SLC24A3: variants seen among roughly 807,000 people sequenced by gnomAD.
The protein encoded by SLC24A3 is solute carrier family 24 member 3, also known as sodium/potassium/calcium exchanger 3.
SLC24A3 carries 28 observed loss-of-function variants against 75.8 expected under a neutral mutation model. The ratio of observed to expected loss-of-function variants is 0.37; its 90% CI spans 0.27 to 0.51. The LOEUF is 0.51. Among genes scored for constraint, SLC24A3 ranks in the 20% least tolerant of loss-of-function variants. The probability of loss-of-function intolerance (pLI) is 0.94; values close to 1 mark genes in which losing one functional copy is unlikely to be tolerated. For missense variants in SLC24A3, 663 were observed against 847.8 expected (o/e 0.78, Z 2.71); for synonymous variants, 372 against 334.1 (o/e 1.11, Z -1.24).
At chr20:19,442,067 T>C (rs1987307576) in intron 2 of SLC24A3, among the ~76,000 whole-genome samples, 1 of 152,220 alleles carries the variant, frequency 6.6e-6, no homozygotes, top group Admixed American at 6.5e-5. Flanking sequence ...TAATATTCCA[T>C]TGTCTGAATG....
chr20:19,248,553 T>G (rs1207535909), intron 1 of SLC24A3, among the ~76,000 whole-genome samples: 3 of 152,184 alleles, frequency 2.0e-5, no homozygotes, highest in South Asian at 4.1e-4. Context: ...TTGGCGGAAA[T>G]GTAAATGAAT....
intron 2 of SLC24A3, among the ~76,000 whole-genome samples, chr20:19,316,104 T>G (rs953050923): frequency 1.3e-5 from 2 of 152,236 alleles, no homozygotes; most frequent in African/African-American, 2.4e-5. Context: ...CAAAGCCTAT[T>G]GAACCACATA....
Position 19,647,929 on chromosome 20 carries a change from T to C in SLC24A3, c.613-6133T>C, listed in dbSNP as rs6112498. Among the ~76,000 whole-genome samples, 1,423 of 152,328 alleles carry C rather than the reference T, an allele frequency of 9.3e-3. 23 individuals are homozygous for C. Among genetic ancestry groups the C allele is most frequent in the African/African-American group, 0.033 (1,357 of 41,560 alleles). ...AATGAGTTTTCTTTAAAAAATTAGA[T>C]TTAAAATGTGAATTTATTTTGTGTT... On this transcript the variant is annotated intron_variant, in intron 6 of 16. Coordinates refer to ENST00000328041, the MANE Select transcript of SLC24A3 (RefSeq NM_020689.4).
chr20:19,246,671 C>T (rs752180995), intron 1 of SLC24A3, among the ~76,000 whole-genome samples: 1 of 152,136 alleles, frequency 6.6e-6, no homozygotes, highest in African/African-American at 2.4e-5. Context: ...TAATTTATCT[C>T]ATGAACAGAT....
intron 2 of SLC24A3, among the ~76,000 whole-genome samples, chr20:19,329,062 T>C (rs1339879927): frequency 1.3e-5 from 2 of 152,064 alleles, no homozygotes; most frequent in Admixed American, 6.5e-5. Flanking sequence ...ATTAGTGACA[T>C]GGACAGGAAG....
At chr20:19,299,198 A>ATGTGTG (rs57048749) in intron 2 of SLC24A3, among the ~76,000 whole-genome samples, 49,451 of 144,788 alleles carry the variant, frequency 0.34, 8,369 homozygotes, top group Middle Eastern at 0.43. Context: ...GTGTGTGTGT[A>ATGTGTG]TGTGTGTGTG....
At chr20:19,473,095 C>G (rs1365553910) in intron 2 of SLC24A3, among the ~76,000 whole-genome samples, 3 of 152,188 alleles carry the variant, frequency 2.0e-5, no homozygotes, top group Non-Finnish European at 2.9e-5. Flanking sequence ...TCTGGCCTCT[C>G]CCCTCCTTCC....
chr20:19,471,167 G>GC (rs1327393253), intron 2 of SLC24A3, among the ~76,000 whole-genome samples: 1 of 152,224 alleles, frequency 6.6e-6, no homozygotes, highest in East Asian at 1.9e-4. Context: ...TAAGAGGGGA[G>GC]CCCCCGTGCT....
intron 2 of SLC24A3, among the ~76,000 whole-genome samples, chr20:19,449,727 G>A (rs1483143473): frequency 6.6e-6 from 1 of 152,076 alleles, no homozygotes; most frequent in Non-Finnish European, 1.5e-5. Context: ...GGAGCTTTAG[G>A]GGAAGAGGAG....
chr20:19,426,860 G>A (rs2122445689), intron 2 of SLC24A3, among the ~76,000 whole-genome samples: 1 of 152,302 alleles, frequency 6.6e-6, no homozygotes, highest in South Asian at 2.1e-4. Flanking sequence ...ACTGGGGAGT[G>A]AGAGGAGGGG....
chr20:19,713,080 TG>T (rs1243605275), intron 15 of SLC24A3, among the ~76,000 whole-genome samples: 4 of 152,204 alleles, frequency 2.6e-5, no homozygotes, highest in Non-Finnish European at 5.9e-5. Context: ...GGTACAATTT[TG>T]TGGTGGGAAT....
At chr20:19,247,138 G>A (rs1236945052) in intron 1 of SLC24A3, among the ~76,000 whole-genome samples, 2 of 152,150 alleles carry the variant, frequency 1.3e-5, no homozygotes, top group African/African-American at 4.8e-5. Context: ...AACAAAATCA[G>A]TTCCATATGT....
chr20:19,325,795 T>TATATATATAG (rs1251419875), intron 2 of SLC24A3, among the ~76,000 whole-genome samples: 97 of 67,778 alleles, frequency 1.4e-3, no homozygotes, highest in East Asian at 6.3e-3. Context: ...TATATATATA[T>TATATATATAG]AGAGAGAGAG....
chr20:19,292,682 G>A (rs1484478943), intron 2 of SLC24A3, among the ~76,000 whole-genome samples: 4 of 152,218 alleles, frequency 2.6e-5, no homozygotes, highest in Non-Finnish European at 5.9e-5. Flanking sequence ...AGAGGCAGAA[G>A]CAGGTGGGAA....
chr20:19,354,582 TTGTGTA>T (rs1555789352), intron 2 of SLC24A3, among the ~76,000 whole-genome samples: 1 of 142,872 alleles, frequency 7.0e-6, no homozygotes, highest in Non-Finnish European at 1.5e-5. Context: ...CATAAAAAAT[TTGTGTA>T]TGTGTGTGTG....
chr20:19,565,932 G>T (rs939498006), intron 3 of SLC24A3, among the ~76,000 whole-genome samples: 2 of 152,150 alleles, frequency 1.3e-5, no homozygotes, highest in South Asian at 4.1e-4. Context: ...GTGAATCAGA[G>T]ATTCAGCAGG....
chr20:19,399,226 T>C (rs1340758235), intron 2 of SLC24A3, among the ~76,000 whole-genome samples: 2 of 152,140 alleles, frequency 1.3e-5, no homozygotes, highest in African/African-American at 2.4e-5. Context: ...TTAATTGTTT[T>C]CTTTGTTTGT....
intron 1 of SLC24A3, among the ~76,000 whole-genome samples, chr20:19,268,729 G>A (rs752447612): frequency 6.6e-6 from 1 of 152,162 alleles, no homozygotes; most frequent in Non-Finnish European, 1.5e-5. Context: ...TGGTTGGGAT[G>A]CTTCTATGCC....
At chr20:19,665,312 C>T (rs1206465711) in intron 7 of SLC24A3, among the ~76,000 whole-genome samples, 2 of 152,032 alleles carry the variant, frequency 1.3e-5, no homozygotes, top group African/African-American at 4.8e-5. Flanking sequence ...GAGTGTTGAT[C>T]CCCTACTTCT....
Sources: gnomAD v4.1 joint callset for allele counts (sites outside exome capture counted in the v4.1 genomes callset) on GRCh38, gnomAD v4.1.1 for gene constraint, MANE v1.5 for transcripts, NCBI Gene and HGNC (gene_info 2026-07-23, HGNC 2026-07-21) for gene names.